SMARCA1: variants seen among roughly 807,000 people sequenced by gnomAD.
The protein encoded by SMARCA1 is SNF2 related chromatin remodeling ATPase 1, also known as SWI/SNF-related matrix-associated actin-dependent regulator of chromatin subfamily A member 1.
In SMARCA1, 17 loss-of-function variants were observed where a neutral mutation model predicts 93.6. The observed-to-expected ratio is 0.18, with a 90% CI of 0.12 to 0.27. The LOEUF (loss-of-function observed/expected upper bound fraction) is 0.27, where lower values mean the gene tolerates loss of function less well. Among genes scored for constraint, SMARCA1 ranks in the 10% least tolerant of loss-of-function variants. SMARCA1 has a pLI of 1.00. For synonymous variants in SMARCA1, 271 were observed against 271.4 expected, an observed-to-expected ratio of 1.00 and a Z score of 0.01; for missense variants, 630 against 819.0, an observed-to-expected ratio of 0.77 and a Z score of 2.82.
At chrX:129,456,671 A>C (rs1602646601) in intron 23 of SMARCA1, among the ~76,000 whole-genome samples, 1 of 112,152 alleles carries the variant, frequency 8.9e-6, no homozygotes, top group African/African-American at 3.2e-5. Context: ...GAGGGATTCA[A>C]GACTTTAGTG....
intron 5 of SMARCA1, among the ~76,000 whole-genome samples, chrX:129,514,116 A>G (rs1935107872): frequency 1.8e-5 from 2 of 112,767 alleles, no homozygotes; most frequent in African/African-American, 6.4e-5. Flanking sequence ...TCACGAGGTC[A>G]GGAGATCGAG....
intron 23 of SMARCA1, among the ~76,000 whole-genome samples, chrX:129,457,030 GTCAA>G (rs759136067): frequency 8.9e-6 from 1 of 111,758 alleles, no homozygotes; most frequent in South Asian, 3.8e-4. Flanking sequence ...GAAAGGAGGA[GTCAA>G]TCAATGTGGC....
intron 1 of SMARCA1, 117 bp downstream of exon 1, chrX:129,523,080 C>A (rs1472117087): frequency 2.0e-5 from 17 of 854,642 alleles, no homozygotes. Context: ...CACCCGCCGC[C>A]CCTAGCCCCG....
intron 19 of SMARCA1, among the ~76,000 whole-genome samples, chrX:129,479,870 G>A (rs1933570733): frequency 9.1e-6 from 1 of 110,313 alleles, no homozygotes; most frequent in Non-Finnish European, 1.9e-5. Flanking sequence ...GCTAATTTTT[G>A]CATTTTTAGT....
At chrX:129,454,315 G>A (rs1454955055) in intron 23 of SMARCA1, among the ~76,000 whole-genome samples, 1 of 112,095 alleles carries the variant, frequency 8.9e-6, no homozygotes, top group Admixed American at 9.5e-5. Flanking sequence ...AGACTTACAC[G>A]TAAGACCTAA....
Position 129,490,050 on chromosome X carries a change from G to A in SMARCA1, c.1948+10C>T, listed in dbSNP as rs1293277450. ...AAAAAACACCTAATTAAGTTTCTATGTATAAATACCTTGTTGTATAACAAT... is the reference window on the plus strand; with the variant it reads ...AAAAAACACCTAATTAAGTTTCTATATATAAATACCTTGTTGTATAACAAT... On this transcript the variant is annotated intron_variant, in intron 15 of 24. Transcript: ENST00000371121. The A allele has an allele frequency of 8.7e-7, 1 of 1,151,915 alleles. No homozygotes were observed. Among genetic ancestry groups the A allele is most frequent in the South Asian group, 1.9e-5 (1 of 53,194 alleles). 94.9% of individuals were successfully genotyped at this position (1,151,915 alleles called of 1,213,427 possible). A position where few individuals can be genotyped will look rare whatever the true frequency, so the allele number is the denominator to read the frequency against.
intron 19 of SMARCA1, among the ~76,000 whole-genome samples, chrX:129,478,385 C>T (rs1451672460): frequency 1.8e-5 from 2 of 112,260 alleles, no homozygotes; most frequent in Non-Finnish European, 3.8e-5. Flanking sequence ...TTTTCCCTCT[C>T]CTCTTGCTTC....
At position 129,499,859 on chromosome X, in the gene SMARCA1, T is replaced by A. The variant is rs1396858570; in HGVS notation, c.1168-18A>T. On this transcript the variant is annotated intron_variant, in intron 9 of 24. Transcript: ENST00000371121. ...TTTAAAACCTAAAAGGTGATCATTT[T>A]TATAAAAGTTTATGAAACATTTAAT... The A allele has an allele frequency of 2.6e-6, 2 of 777,213 alleles. No homozygotes were observed. Among genetic ancestry groups the A allele is most frequent in the Admixed American group, 5.1e-5 (2 of 39,360 alleles). The allele number at this position is 777,213 out of a possible 1,213,427, so 64.1% of individuals were successfully genotyped here. A position where few individuals can be genotyped will look rare whatever the true frequency, so the allele number is the denominator to read the frequency against.
At chrX:129,481,292 G>T in intron 17 of SMARCA1, 107 bp from the exon 18 acceptor site, 1 of 499,840 alleles carries the variant, frequency 2.0e-6, no homozygotes, top group South Asian at 3.2e-5. Flanking sequence ...AAGCCATCAG[G>T]AAGAATCAAA....
chrX:129,509,823 G>A (rs1167116267), intron 6 of SMARCA1, among the ~76,000 whole-genome samples: 1 of 111,479 alleles, frequency 9.0e-6, no homozygotes, highest in African/African-American at 3.3e-5. Context: ...GAAAAGGAAG[G>A]GGCCACAAAG....
intron 7 of SMARCA1, 100 bp from the exon 8 acceptor site, chrX:129,506,311 A>AT: frequency 1.6e-6 from 1 of 633,753 alleles, no homozygotes; most frequent in Non-Finnish European, 2.5e-6. Context: ...TGACTACAAT[A>AT]TAACTTGAAA....
chrX:129,523,388 G>C lies in SMARCA1; in HGVS notation c.-18C>G. 1.7e-6 allele frequency: 2 copies of C among 1,149,789 alleles called. No homozygotes were observed. The highest frequency in any genetic ancestry group is 2.3e-6 in the Non-Finnish European group (2 of 866,343). 94.8% of individuals were successfully genotyped at this position (1,149,789 alleles called of 1,213,427 possible). On this transcript the variant is annotated 5_prime_UTR_variant, in exon 1 of 25. Coordinates refer to ENST00000371121, the MANE Select transcript of SMARCA1 (RefSeq NM_001282874.2). ...TGCTCCATGCCGTGGGAGCGGGAACGAGTAGGGGGACAAGGCAGGGGACGA... is the reference window on the plus strand; with the variant it reads ...TGCTCCATGCCGTGGGAGCGGGAACCAGTAGGGGGACAAGGCAGGGGACGA...
intron 14 of SMARCA1, 29 bp from the exon 15 acceptor site, chrX:129,490,221 T>C (rs1204168520): frequency 1.9e-6 from 2 of 1,079,928 alleles, no homozygotes; most frequent in East Asian, 3.2e-5. Context: ...ATGTAAGATA[T>C]TGGATATTCT....
chrX:129,484,226 C>T (rs1007864309), intron 17 of SMARCA1, among the ~76,000 whole-genome samples: 2 of 111,578 alleles, frequency 1.8e-5, no homozygotes, highest in African/African-American at 6.5e-5. Context: ...AAAATTTTTC[C>T]ACTTCATAAA....
chrX:129,523,101 C>G, intron 1 of SMARCA1, 96 bp downstream of exon 1: 1 of 996,571 alleles, frequency 1.0e-6, no homozygotes, highest in South Asian at 2.2e-5. Context: ...CAAAGCTCCG[C>G]GGGTACCTGT....
In SMARCA1 at chrX:129,496,792, C is replaced by T. The variant is rs2082396800; in HGVS notation, c.1584G>A (p.Glu528=). 1 of 1,202,927 alleles carries T rather than the reference C, an allele frequency of 8.3e-7. No individual in the cohort carries two copies. The highest frequency in any genetic ancestry group is 1.8e-5 in the African/African-American group (1 of 56,933). The stretch of plus-strand genomic sequence containing the variant: ...GGGTTTGTCCATCCAGTCGACAATA[C>T]TCATAACCACGCCACATGCAATAAT... ...LEDYCMWRGY[E]YCRLDGQTPH... Residue 528 remains glutamate, a synonymous_variant, in exon 12 of 25, where the codon GAG becomes GAA. Coordinates refer to ENST00000371121, the MANE Select transcript of SMARCA1 (RefSeq NM_001282874.2).
chrX:129,480,839 A>G, intron 18 of SMARCA1, 25 bp from the exon 19 acceptor site: 1 of 935,724 alleles, frequency 1.1e-6, no homozygotes, highest in Non-Finnish European at 1.5e-6. Context: ...AATGTATTAT[A>G]TATACTTCTT....
At position 129,465,538 on chromosome X, in the gene SMARCA1, G is replaced by T. The variant is rs1461447965; in HGVS notation, c.3012C>A (p.Ile1004=). 8.3e-7 allele frequency: 1 copy of T among 1,198,418 alleles called. No homozygotes were observed. Among genetic ancestry groups the T allele is most frequent in the Admixed American group, 2.2e-5 (1 of 45,596 alleles). ...NAPQFRFDWF[I]KSRTAMEFQR... Reference sequence around the variant, plus strand: ...TACATACCATGGCAGTCCTAGACTTGATAAACCAGTCAAATCTAAACTGGG... The same window carrying T: ...TACATACCATGGCAGTCCTAGACTTTATAAACCAGTCAAATCTAAACTGGG... Residue 1004 remains isoleucine, a synonymous_variant, in exon 23 of 25, where the codon ATC becomes ATA. Coordinates refer to ENST00000371121, the MANE Select transcript of SMARCA1 (RefSeq NM_001282874.2).
At chrX:129,462,413 G>A (rs899386627) in intron 23 of SMARCA1, among the ~76,000 whole-genome samples, 15 of 111,484 alleles carry the variant, frequency 1.3e-4, no homozygotes, top group Non-Finnish European at 1.9e-5. Flanking sequence ...AATGAAAGGG[G>A]GAAAGAAGAT....
Sources: gnomAD v4.1 joint callset for allele counts (sites outside exome capture counted in the v4.1 genomes callset) on GRCh38, gnomAD v4.1.1 for gene constraint, MANE v1.5 for transcripts, NCBI Gene and HGNC (gene_info 2026-07-23, HGNC 2026-07-21) for gene names.